UBE3A: variants seen among roughly 807,000 people sequenced by gnomAD.
UBE3A encodes the protein ubiquitin protein ligase E3A.
UBE3A carries 6 observed loss-of-function variants against 83.4 expected under a neutral mutation model. The observed-to-expected ratio is 0.07, with a 90% CI of 0.04 to 0.14. UBE3A has a LOEUF of 0.14. UBE3A is among the 10% of genes least tolerant of loss of function. The pLI is 1.00. For missense variants in UBE3A, 456 were observed against 1,036.1 expected (o/e 0.44, Z 7.69); for synonymous variants, 337 against 355.4 (o/e 0.95, Z 0.58).
intron 4 of UBE3A, among the ~76,000 whole-genome samples, chr15:25,377,603 C>T (rs371330635): frequency 2.6e-5 from 4 of 152,172 alleles, no homozygotes; most frequent in South Asian, 2.1e-4. Flanking sequence ...TCCCAAACTA[C>T]AGTGACTTCC....
chr15:25,382,307 C>T (rs981833851), intron 4 of UBE3A, among the ~76,000 whole-genome samples: 9 of 149,222 alleles, frequency 6.0e-5, no homozygotes, highest in African/African-American at 1.7e-4. Context: ...GGCAAAAGAG[C>T]GAGACTCTGT....
Position 25,337,055 on chromosome 15 carries a change from G to A in UBE3A, c.*2082C>T, listed in dbSNP as rs889085062. On this transcript the variant is annotated 3_prime_UTR_variant, in exon 13 of 13. Coordinates refer to ENST00000648336, the MANE Select transcript of UBE3A (RefSeq NM_130839.5). ...AGAGCAGCTATTCTGTGCAACCGAC[G>A]ATTTTTTTTCTCTAAAATTTTAAGG... is the stretch of plus-strand genomic sequence containing the variant. The A allele has an allele frequency of 1.4e-4, 21 of 151,992 alleles. No individual in the cohort carries two copies. Among genetic ancestry groups the A allele is most frequent in the African/African-American group, 4.8e-4 (20 of 41,398 alleles). The allele number at this position is 151,992 out of a possible 1,614,324, so 9.4% of individuals were successfully genotyped here. A position where few individuals can be genotyped will look rare whatever the true frequency, so the allele number is the denominator to read the frequency against.
rs78322622 is a variant in UBE3A at position 25,363,702 on chromosome 15, C to G, written c.1609-3175G>C. Among the ~76,000 whole-genome samples, 608 of 152,038 alleles carry G rather than the reference C, an allele frequency of 4.0e-3. 2 individuals carry two copies. The highest frequency in any genetic ancestry group is 0.014 in the African/African-American group (586 of 41,454). ...AGGATTATGAGTGATTTTTATTTTC[C>G]TTATTCTTTTCCATATTTTTCCATT... On this transcript the variant is annotated intron_variant, in intron 6 of 12. Transcript: ENST00000648336.
At position 25,371,116 on chromosome 15, in the gene UBE3A, A is replaced by C. The variant is rs778608390; in HGVS notation, c.1058T>G (p.Phe353Cys). The change falls in exon 6 of 13, where the codon TTT becomes TGT. Residue 353 changes from phenylalanine to cysteine, a missense_variant. Physicochemically the swap from Phe to Cys is radical, Grantham distance 205 (BLOSUM62 -2). Around this residue, in one of 13 missense-constraint regions of UBE3A, gnomAD observed 85 missense variants for 137.0 expected, o/e 0.62. Transcript: ENST00000648336. The surrounding 1 kb of genome is among the most constrained non-coding windows in gnomAD (Gnocchi z 5.3). Reference sequence around the variant, plus strand: ...ATCATTCACTAGATTTCGACTGTTAAATTCATTGCTTATGACTTTATAAGT... The same window carrying C: ...ATCATTCACTAGATTTCGACTGTTACATTCATTGCTTATGACTTTATAAGT... ...LITYKVISNE[F>C]NSRNLVNDDD... is the part of the protein sequence containing the mutation. The C allele has an allele frequency of 1.9e-6, 3 of 1,614,122 alleles. No homozygotes were observed. Among genetic ancestry groups the C allele is most frequent in the Non-Finnish European group, 2.5e-6 (3 of 1,180,018 alleles).
rs554393529 is a variant in UBE3A at position 25,431,892 on chromosome 15, A to G, written c.-165+6597T>C. Among the ~76,000 whole-genome samples, 4 of 152,340 alleles carry G rather than the reference A, an allele frequency of 2.6e-5. No individual in the cohort carries two copies. The East Asian group carries it at 5.8e-4, about 22-fold the overall frequency. On this transcript the variant is annotated intron_variant, in intron 1 of 12. Transcript: ENST00000648336. Reference sequence around the variant, plus strand: ...ATTATCAATATTGGTGCATATAACCACAGAGGCACAATAGAATTCTTAGGA... The same window carrying G: ...ATTATCAATATTGGTGCATATAACCGCAGAGGCACAATAGAATTCTTAGGA...
chr15:25,367,906 T>C (rs1595767422), intron 6 of UBE3A, among the ~76,000 whole-genome samples: 1 of 152,264 alleles, frequency 6.6e-6, no homozygotes, highest in Non-Finnish European at 1.5e-5. Flanking sequence ...GAGTCTCATA[T>C]ATGAAGTCAC....
intron 11 of UBE3A, among the ~76,000 whole-genome samples, chr15:25,342,092 C>T (rs2074940967): frequency 6.6e-6 from 1 of 152,052 alleles, no homozygotes; most frequent in Admixed American, 6.6e-5. Context: ...CTTGCAGGAG[C>T]ATCTCTCAGG....
At chr15:25,398,816 A>ATACATAT (rs1567069211) in intron 4 of UBE3A, among the ~76,000 whole-genome samples, 2 of 40,828 alleles carry the variant, frequency 4.9e-5, no homozygotes, top group Non-Finnish European at 1.1e-4. Context: ...TATATATATA[A>ATACATAT]AAATACATAT....
chr15:25,342,095 C>A (rs2074942435), intron 11 of UBE3A, among the ~76,000 whole-genome samples: 1 of 152,122 alleles, frequency 6.6e-6, no homozygotes, highest in African/African-American at 2.4e-5. Context: ...GCAGGAGCAT[C>A]TCTCAGGTAA....
intron 4 of UBE3A, among the ~76,000 whole-genome samples, chr15:25,398,788 T>A (rs1451219359): frequency 2.5e-5 from 1 of 40,692 alleles, no homozygotes; most frequent in Non-Finnish European, 4.8e-5. Flanking sequence ...TATATATATA[T>A]ATATATATAT....
At chr15:25,375,308 T>C (rs1410746086) in intron 5 of UBE3A, 157 bp downstream of exon 5, 41 of 796,084 alleles carry the variant, frequency 5.2e-5, no homozygotes, top group South Asian at 5.6e-5. Context: ...CTGTAAAATG[T>C]AGTTATTATT....
chr15:25,420,021 T>C (rs1428230151), intron 1 of UBE3A, among the ~76,000 whole-genome samples: 3 of 152,142 alleles, frequency 2.0e-5, no homozygotes, highest in Admixed American at 6.5e-5. Context: ...AACACAATTA[T>C]ATTGCCAACT....
intron 4 of UBE3A, among the ~76,000 whole-genome samples, chr15:25,390,071 G>C (rs1240742764): frequency 6.6e-6 from 1 of 152,138 alleles, no homozygotes; most frequent in Non-Finnish European, 1.5e-5. Flanking sequence ...TGGCATCAGA[G>C]AAACACAAAT....
intron 7 of UBE3A, among the ~76,000 whole-genome samples, chr15:25,357,850 G>A (rs146128675): frequency 1.3e-4 from 19 of 148,898 alleles, no homozygotes; most frequent in South Asian, 4.3e-4. Flanking sequence ...AAGTAGTTTC[G>A]TAGTCTTTCA....
chr15:25,364,823 T>G (rs983220386), intron 6 of UBE3A, among the ~76,000 whole-genome samples: 7 of 151,936 alleles, frequency 4.6e-5, no homozygotes, highest in Admixed American at 3.9e-4. Flanking sequence ...TTTTTTGTAT[T>G]TTTTAGTAGA....
At chr15:25,387,470 C>T (rs1021243909) in intron 4 of UBE3A, among the ~76,000 whole-genome samples, 1 of 151,336 alleles carries the variant, frequency 6.6e-6, no homozygotes, top group African/African-American at 2.4e-5. Context: ...TGCGGTGAGC[C>T]GAGATCGAGC....
intron 6 of UBE3A, among the ~76,000 whole-genome samples, chr15:25,362,140 G>C (rs532889010): frequency 6.6e-6 from 1 of 152,306 alleles, no homozygotes; most frequent in East Asian, 1.9e-4. Flanking sequence ...AGATGGATAA[G>C]CATGTACTGG....
chr15:25,422,123 G>A (rs2153157938), intron 1 of UBE3A, among the ~76,000 whole-genome samples: 1 of 152,254 alleles, frequency 6.6e-6, no homozygotes, highest in South Asian at 2.1e-4. Flanking sequence ...ACAAAAATCT[G>A]TGACAAACAC....
At chr15:25,402,638 G>A (rs542948751) in intron 4 of UBE3A, among the ~76,000 whole-genome samples, 8 of 152,254 alleles carry the variant, frequency 5.3e-5, no homozygotes, top group Admixed American at 2.6e-4. Flanking sequence ...TTACTGGGGC[G>A]AGCTCAATGT....
Sources: gnomAD v4.1 joint callset for allele counts (sites outside exome capture counted in the v4.1 genomes callset) on GRCh38, gnomAD v4.1.1 for gene constraint, gnomAD v4.1.1 regional missense constraint, Gnocchi (gnomAD v3.1) non-coding constraint, MANE v1.5 for transcripts, NCBI Gene and HGNC (gene_info 2026-07-23, HGNC 2026-07-21) for gene names.